KNDC1: variants seen among roughly 807,000 people sequenced by gnomAD.
KNDC1 encodes kinase non-catalytic C-lobe domain-containing protein 1.
Under a neutral mutation model 172.8 loss-of-function variants are expected in KNDC1, and 106 were observed. The observed-to-expected ratio is 0.61, with a 90% CI of 0.52 to 0.72. The LOEUF is 0.72. Ranked by LOEUF, KNDC1 falls within the 30% of genes least tolerant of loss-of-function variation. KNDC1 has a pLI of 0.00. For synonymous variants in KNDC1, 1,083 were observed against 1,062.2 expected, an observed-to-expected ratio of 1.02 and a Z score of -0.38; for missense variants, 2,325 against 2,394.5, an observed-to-expected ratio of 0.97 and a Z score of 0.61.
At chr10:133,198,200 G>A (rs1466526551) in intron 12 of KNDC1, 137 bp from the exon 13 acceptor site, 6 of 1,048,950 alleles carry the variant, frequency 5.7e-6, no homozygotes, top group Non-Finnish European at 6.7e-6. Flanking sequence ...CAGCACAGAG[G>A]AAGCCCCCAG....
At chr10:133,216,582 C>A (rs979105036) in intron 26 of KNDC1, among the ~76,000 whole-genome samples, 1 of 151,948 alleles carries the variant, frequency 6.6e-6, no homozygotes, top group South Asian at 2.1e-4. Flanking sequence ...GAGGCTGAGG[C>A]GGGAGGATCA....
At chr10:133,183,074 G>A (rs1004631517) in intron 3 of KNDC1, among the ~76,000 whole-genome samples, 1 of 151,570 alleles carries the variant, frequency 6.6e-6, no homozygotes, top group Admixed American at 6.6e-5. Flanking sequence ...TGTGGGCGGC[G>A]TGGGCACGGG....
At chr10:133,187,521 C>T (rs1853954111) in intron 6 of KNDC1, among the ~76,000 whole-genome samples, 1 of 152,262 alleles carries the variant, frequency 6.6e-6, no homozygotes, top group Non-Finnish European at 1.5e-5. Flanking sequence ...TGCCCTCAAG[C>T]CACCAGGCCT....
chr10:133,205,116 G>A (rs981723082), intron 17 of KNDC1, among the ~76,000 whole-genome samples: 13 of 151,298 alleles, frequency 8.6e-5, no homozygotes, highest in South Asian at 4.2e-4. Context: ...GGGAAGGGCC[G>A]TCTCTGGGGT....
At chr10:133,182,406 CTT>C (rs1455271534) in intron 3 of KNDC1, among the ~76,000 whole-genome samples, 1 of 140,296 alleles carries the variant, frequency 7.1e-6, no homozygotes, top group Non-Finnish European at 1.5e-5. Flanking sequence ...AGAGTGGACA[CTT>C]GGGAGCACAG....
chr10:133,202,071 G>T, intron 17 of KNDC1, 173 bp downstream of exon 17: 1 of 779,402 alleles, frequency 1.3e-6, no homozygotes, highest in South Asian at 1.5e-5. Context: ...CCCCTCCCTG[G>T]GCTGAGCTCC....
intron 29 of KNDC1, among the ~76,000 whole-genome samples, chr10:133,221,815 G>A (rs1172862083): frequency 7.3e-6 from 1 of 137,624 alleles, no homozygotes; most frequent in Non-Finnish European, 1.6e-5. Flanking sequence ...GGCGGCTCAC[G>A]CCTGTAACCC....
intron 26 of KNDC1, among the ~76,000 whole-genome samples, chr10:133,216,835 G>A (rs1845476185): frequency 6.6e-6 from 1 of 152,256 alleles, no homozygotes; most frequent in East Asian, 1.9e-4. Flanking sequence ...TGTACCTTGA[G>A]AACTTATTCA....
chr10:133,166,218 G>C (rs1427316140), intron 1 of KNDC1, among the ~76,000 whole-genome samples: 1 of 152,236 alleles, frequency 6.6e-6, no homozygotes, highest in African/African-American at 2.4e-5. Flanking sequence ...GGGGAGGGGG[G>C]GCCAGCGATG....
intron 25 of KNDC1, 91 bp from the exon 26 acceptor site, chr10:133,213,881 G>C: frequency 1.3e-6 from 2 of 1,552,010 alleles, no homozygotes; most frequent in East Asian, 2.3e-5. Flanking sequence ...CTCGTGGCCC[G>C]ACCCCAGCCC....
chr10:133,181,834 C>CACACACACACACACACACACACACACACA lies in KNDC1; in HGVS notation c.361-1510_361-1509insACACACACACACACACACACACACACACA, dbSNP rs1564881077. Among the ~76,000 whole-genome samples, 148 of 138,886 alleles carry CACACACACACACACACACACACACACACA rather than the reference C, an allele frequency of 1.1e-3. 1 individual carries two copies. The highest frequency in any genetic ancestry group is 1.5e-3 in the Non-Finnish European group (95 of 61,754). 91.1% of individuals were successfully genotyped at this position (138,886 alleles called of 152,430 possible). On this transcript the variant is annotated intron_variant, in intron 3 of 29. Transcript: ENST00000304613. ...CCAGACCAGGAAGCCCCAGGACCGT[C>CACACACACACACACACACACACACACACA]CACACACACACACACACACACACAC...
intron 1 of KNDC1, among the ~76,000 whole-genome samples, chr10:133,162,677 G>A (rs1425991637): frequency 3.9e-5 from 6 of 152,280 alleles, no homozygotes; most frequent in African/African-American, 1.2e-4. Context: ...AGACCGCCAG[G>A]CTGGCAAGAA....
chr10:133,175,888 G>A (rs1406944449), intron 3 of KNDC1, among the ~76,000 whole-genome samples: 1 of 150,952 alleles, frequency 6.6e-6, no homozygotes, highest in African/African-American at 2.4e-5. Context: ...ATGGGTGGGT[G>A]AATGGATGGG....
chr10:133,181,692 C>G (rs562965598), intron 3 of KNDC1, among the ~76,000 whole-genome samples: 127 of 152,282 alleles, frequency 8.3e-4, no homozygotes, highest in Middle Eastern at 6.8e-3. Flanking sequence ...GAAGGAGATT[C>G]ACGCCATGAA....
chr10:133,184,386 GCACA>G (rs947551534), intron 5 of KNDC1, among the ~76,000 whole-genome samples: 2 of 113,898 alleles, frequency 1.8e-5, no homozygotes, highest in African/African-American at 6.3e-5. Flanking sequence ...CACATGCTGC[GCACA>G]CACACGCACA....
chr10:133,166,021 G>T (rs1407442762), intron 1 of KNDC1, among the ~76,000 whole-genome samples: 2 of 152,214 alleles, frequency 1.3e-5, no homozygotes, highest in Non-Finnish European at 2.9e-5. Context: ...CCCACCGGGC[G>T]CCCATGCCCT....
intron 29 of KNDC1, among the ~76,000 whole-genome samples, chr10:133,221,069 T>G (rs150308206): frequency 1.6e-4 from 24 of 152,224 alleles, no homozygotes; most frequent in Admixed American, 4.6e-4. Context: ...ACACTCCCCG[T>G]GGTCTCTAGG....
rs748175151 is a variant in KNDC1 at position 133,200,340 on chromosome 10, C to T, written c.2904-35C>T. ...GAGACTGTGGCCTCCTCCCAGTGGG[C>T]GGAGGTGGGGACTGACCTGCATTCT... On this transcript the variant is annotated intron_variant, in intron 15 of 29. Transcript: ENST00000304613. 1.1e-5 allele frequency: 16 copies of T among 1,488,500 alleles called. No homozygotes were observed. In the East Asian group the frequency reaches 2.5e-4, roughly 24 times the overall value. 92.2% of individuals were successfully genotyped at this position (1,488,500 alleles called of 1,614,324 possible).
At chr10:133,221,956 TGGGCCGGGCTGGGTGC>T (rs1564903241) in intron 29 of KNDC1, among the ~76,000 whole-genome samples, 11 of 138,790 alleles carry the variant, frequency 7.9e-5, no homozygotes, top group African/African-American at 2.8e-4. Flanking sequence ...TAACCCTAGG[TGGGCCGGGCTGGGTGC>T]AGCCACTCAC....
Sources: allele counts gnomAD v4.1 joint callset (sites outside exome capture counted in the v4.1 genomes callset), GRCh38; gene constraint gnomAD v4.1.1; transcripts MANE v1.5; gene names NCBI Gene and HGNC (gene_info 2026-07-23, HGNC 2026-07-21).